The following UGT1A8 variants were observed in gnomAD, a reference collection of about 807,000 sequenced individuals.
UGT1A8 encodes UDP glucuronosyltransferase family 1 member A8.
Under a neutral mutation model 45.3 loss-of-function variants are expected in UGT1A8, and 39 were observed. The observed-to-expected ratio is 0.86, with a 90% confidence interval of 0.67 to 1.12. The LOEUF is 1.12. Ranked by LOEUF, UGT1A8 falls within the 50% of genes most tolerant of loss-of-function variation. The probability of loss-of-function intolerance (pLI) is 0.00; values close to 1 mark genes in which losing one functional copy is unlikely to be tolerated. For missense variants in UGT1A8, 719 were observed against 664.9 expected (o/e 1.08, Z -0.90); for synonymous variants, 275 against 249.2 (o/e 1.10, Z -0.97).
At position 233,618,856 on chromosome 2, in the gene UGT1A8, T is replaced by G. The variant is rs78594661; in HGVS notation, c.855+294T>G. Among the ~76,000 whole-genome samples the G allele has an allele frequency of 1.8e-3, 280 of 152,316 alleles. 4 individuals carry two copies. The highest frequency in any genetic ancestry group is 6.3e-3 in the African/African-American group (262 of 41,580). On this transcript the variant is annotated intron_variant, in intron 1 of 4. Coordinates refer to ENST00000373450, the MANE Select transcript of UGT1A8 (RefSeq NM_019076.5). ...CCACAGTAAGAAATTGAACTTTCCTTTTTTGCTAATTCTATGTGACCCCCT... is the reference window on the plus strand; with the variant it reads ...CCACAGTAAGAAATTGAACTTTCCTGTTTTGCTAATTCTATGTGACCCCCT...
At chr2:233,623,505 T>C (rs1321357034) in intron 1 of UGT1A8, among the ~76,000 whole-genome samples, 1 of 151,984 alleles carries the variant, frequency 6.6e-6, no homozygotes, top group Non-Finnish European at 1.5e-5. Context: ...TGCCATCTAG[T>C]CATTTTAAAA....
intron 1 of UGT1A8, among the ~76,000 whole-genome samples, chr2:233,671,540 G>C (rs1316547521): frequency 6.6e-6 from 1 of 152,040 alleles, no homozygotes; most frequent in Non-Finnish European, 1.5e-5. Context: ...GTTGCCTAAA[G>C]GTAAAATCTA....
chr2:233,725,194 A>G (rs1187550502), intron 1 of UGT1A8, among the ~76,000 whole-genome samples: 1 of 93,184 alleles, frequency 1.1e-5, no homozygotes. Context: ...GCAGAGGCAG[A>G]GGCAGAGGCA....
intron 1 of UGT1A8, among the ~76,000 whole-genome samples, chr2:233,754,050 C>A (rs1695383266): frequency 6.6e-6 from 1 of 152,230 alleles, no homozygotes; most frequent in Non-Finnish European, 1.5e-5. Flanking sequence ...GCCAGGTTTA[C>A]CTGCTTTTAT....
At chr2:233,628,194 A>T (rs886540665) in intron 1 of UGT1A8, among the ~76,000 whole-genome samples, 1 of 152,174 alleles carries the variant, frequency 6.6e-6, no homozygotes, top group Admixed American at 6.6e-5. Flanking sequence ...TGGTTTAATA[A>T]ATTTTTTATT....
At chr2:233,677,972 T>C (rs140519008) in intron 1 of UGT1A8, among the ~76,000 whole-genome samples, 4 of 152,214 alleles carry the variant, frequency 2.6e-5, no homozygotes, top group Non-Finnish European at 1.5e-5. Context: ...ACATACTCCA[T>C]GGAATATGCA....
intron 1 of UGT1A8, among the ~76,000 whole-genome samples, chr2:233,696,651 C>T (rs2075353274): frequency 6.6e-6 from 1 of 152,116 alleles, no homozygotes. Flanking sequence ...GATAGGACTT[C>T]CAGTACTATG....
Position 233,772,517 on chromosome 2 carries a change from A to G in UGT1A8, c.1551A>G (p.Lys517=). Residue 517 remains lysine, a synonymous_variant, in exon 5 of 5, where the codon AAA becomes AAG. Transcript: ENST00000373450. Reference sequence around the variant, plus strand: ...ATGGCTACCGGAAATGCTTGGGGAAAAAAGGGCGAGTTAAGAAAGCCCACA... The same window carrying G: ...ATGGCTACCGGAAATGCTTGGGGAAGAAAGGGCGAGTTAAGAAAGCCCACA... ...CAYGYRKCLG[K]KGRVKKAHKS... 6.2e-7 allele frequency: 1 copy of G among 1,614,222 alleles called. No homozygotes were observed. Among genetic ancestry groups the G allele is most frequent in the South Asian group, 1.1e-5 (1 of 91,086 alleles).
chr2:233,727,330 C>T (rs574704586), intron 1 of UGT1A8, among the ~76,000 whole-genome samples: 1 of 152,238 alleles, frequency 6.6e-6, no homozygotes, highest in East Asian at 1.9e-4. Flanking sequence ...ACCAGGAGCT[C>T]CTCCCTCCCC....
rs149750520 is a variant in UGT1A8, at chr2:233,767,884, T to C, written c.1023T>C (p.Asn341=). ...GGTACACTGGAACCCGACCATCGAA[T>C]CTTGCGAACAACACGATACTTGTTA... The part of the protein sequence containing the change: ...LWRYTGTRPS[N]LANNTILVKW... The change falls in exon 3 of 5, where the codon AAT becomes AAC. Residue 341 remains asparagine (N), a synonymous_variant. Coordinates refer to ENST00000373450, the MANE Select transcript of UGT1A8 (RefSeq NM_019076.5). The C allele has an allele frequency of 6.2e-7, 1 of 1,614,080 alleles. No homozygotes were observed. Among genetic ancestry groups the C allele is most frequent in the East Asian group, 2.2e-5 (1 of 44,900 alleles).
intron 1 of UGT1A8, chr2:233,693,975 G>A (rs1050252504): frequency 2.0e-5 from 32 of 1,565,898 alleles, no homozygotes; most frequent in Non-Finnish European, 2.6e-5. Flanking sequence ...CTGGAGAAAC[G>A]GTGGGGGGAA....
At chr2:233,657,059 C>G (rs747938165) in intron 1 of UGT1A8, among the ~76,000 whole-genome samples, 1 of 152,074 alleles carries the variant, frequency 6.6e-6, no homozygotes, top group Non-Finnish European at 1.5e-5. Flanking sequence ...CCCTCACCAG[C>G]TTCTTTCCTT....
Position 233,695,130 on chromosome 2 carries a change from C to CTTTCTTTTTTTTTTTTTT in UGT1A8, c.856-71901_856-71900insCTTTTTTTTTTTTTTTTT, listed in dbSNP as rs1364557158. Among the ~76,000 whole-genome samples, 15 of 138,840 alleles carry CTTTCTTTTTTTTTTTTTT rather than the reference C, an allele frequency of 1.1e-4. 2 individuals carry two copies. Among genetic ancestry groups the CTTTCTTTTTTTTTTTTTT allele is most frequent in the Admixed American group, 3.5e-4 (5 of 14,108 alleles). 91.1% of individuals were successfully genotyped at this position (138,840 alleles called of 152,430 possible). ...GCCCATTAACCAACCCTTTTCTTTTCTTTTTTTTTTTTTTGAGACAGAGTC... is the reference window on the plus strand; with the variant it reads ...GCCCATTAACCAACCCTTTTCTTTTCTTTCTTTTTTTTTTTTTTTTTTTTTTTTTTTTGAGACAGAGTC... On this transcript the variant is annotated intron_variant, in intron 1 of 4. Transcript: ENST00000373450.
intron 1 of UGT1A8, among the ~76,000 whole-genome samples, chr2:233,653,062 C>T (rs867009122): frequency 6.6e-5 from 10 of 152,140 alleles, no homozygotes; most frequent in Non-Finnish European, 1.0e-4. Flanking sequence ...TAAACATGTA[C>T]GTGCCTGACA....
chr2:233,675,403 G>A lies in UGT1A8; in HGVS notation c.855+56841G>A, dbSNP rs373931415. Among the ~76,000 whole-genome samples, 89 of 152,280 alleles carry A rather than the reference G, an allele frequency of 5.8e-4. No individual in the cohort carries two copies. In the South Asian group the frequency reaches 0.018, roughly 31 times the overall value. ...TCCCTAGTCTTTTTGAATTTTTGAT[G>A]AGTTCCAACAGAATTAATGACTGGT... On this transcript the variant is annotated intron_variant, in intron 1 of 4. Transcript: ENST00000373450.
intron 1 of UGT1A8, among the ~76,000 whole-genome samples, chr2:233,656,789 G>C (rs530126422): frequency 6.6e-6 from 1 of 152,240 alleles, no homozygotes; most frequent in Admixed American, 6.5e-5. Flanking sequence ...GGCCAGGAGG[G>C]TTCGATTCAC....
At chr2:233,646,428 A>T (rs180989467) in intron 1 of UGT1A8, among the ~76,000 whole-genome samples, 1 of 152,000 alleles carries the variant, frequency 6.6e-6, no homozygotes, top group Admixed American at 6.5e-5. Context: ...TTTCTATCAC[A>T]TTTTCAGGCT....
intron 1 of UGT1A8, among the ~76,000 whole-genome samples, chr2:233,738,182 G>A (rs913308909): frequency 7.9e-5 from 12 of 152,164 alleles, no homozygotes; most frequent in African/African-American, 2.9e-4. Flanking sequence ...TGTAAGACGT[G>A]TCTTTGCCTC....
chr2:233,723,516 CTTTTTT>C (rs1162916866), intron 1 of UGT1A8, among the ~76,000 whole-genome samples: 5 of 85,406 alleles, frequency 5.9e-5, no homozygotes, highest in African/African-American at 2.4e-4. Context: ...GGTCAACAAT[CTTTTTT>C]TTTTTTTTTT....
Sources: allele counts gnomAD v4.1 joint callset (sites outside exome capture counted in the v4.1 genomes callset), GRCh38; gene constraint gnomAD v4.1.1; transcripts MANE v1.5; gene names NCBI Gene and HGNC (gene_info 2026-07-23, HGNC 2026-07-21).